Variants in PCDHA5 observed in about 807,000 individuals in gnomAD.
PCDHA5 encodes the protein protocadherin alpha-5.
A neutral mutation model predicts 61.6 loss-of-function variants in PCDHA5; 43 were observed. The observed-to-expected ratio is 0.70, with a 90% CI of 0.55 to 0.90. The LOEUF (loss-of-function observed/expected upper bound fraction) is 0.90. Ranked by LOEUF, PCDHA5 falls within the 40% of genes least tolerant of loss-of-function variation. PCDHA5 has a pLI of 0.00. For missense variants in PCDHA5, 1,298 were observed against 1,222.7 expected (o/e 1.06, Z -0.92); for synonymous variants, 627 against 543.9 (o/e 1.15, Z -2.13).
At chr5:140,918,639 TGA>T (rs1554198713) in intron 1 of PCDHA5, among the ~76,000 whole-genome samples, 1 of 152,224 alleles carries the variant, frequency 6.6e-6, no homozygotes, top group East Asian at 1.9e-4. Context: ...ATTCATAAAT[TGA>T]AACCTAATTC....
In PCDHA5 at chr5:141,010,203, C is replaced by T; in HGVS notation, c.*266C>T. ...AGACCCAAGTTTCCTTTCTCCTCCG[C>T]CGCAAAGGAGAGGCTTCCCAGCCCC... On this transcript the variant is annotated 3_prime_UTR_variant, in exon 4 of 4. Coordinates refer to ENST00000529859, the MANE Select transcript of PCDHA5 (RefSeq NM_018908.3). The T allele has an allele frequency of 1.3e-6, 2 of 1,552,032 alleles. No homozygotes were observed. Among genetic ancestry groups the T allele is most frequent in the Non-Finnish European group, 1.7e-6 (2 of 1,147,066 alleles).
intron 1 of PCDHA5, among the ~76,000 whole-genome samples, chr5:140,949,913 A>G (rs554549969): frequency 9.9e-5 from 15 of 151,452 alleles, no homozygotes; most frequent in Admixed American, 2.6e-4. Context: ...TTTAGATATA[A>G]CTATTTTTAG....
At chr5:140,977,589 G>A (rs567353301) in intron 1 of PCDHA5, among the ~76,000 whole-genome samples, 15 of 152,274 alleles carry the variant, frequency 9.9e-5, no homozygotes, top group Admixed American at 2.6e-4. Flanking sequence ...AGAGCAGTTA[G>A]CATGTGAGGA....
intron 1 of PCDHA5, among the ~76,000 whole-genome samples, chr5:140,892,561 A>G (rs766284976): frequency 1.3e-5 from 2 of 152,156 alleles, no homozygotes; most frequent in Non-Finnish European, 2.9e-5. Context: ...GTCCTTGGAG[A>G]CTGTCAAAAG....
intron 1 of PCDHA5, chr5:140,875,973 T>C (rs782725100): frequency 6.2e-7 from 1 of 1,614,042 alleles, no homozygotes; most frequent in Non-Finnish European, 8.5e-7. Context: ...TAAACTCTCT[T>C]TTGACCTATG....
chr5:140,840,316 C>A (rs2150305705), intron 1 of PCDHA5, among the ~76,000 whole-genome samples: 1 of 151,756 alleles, frequency 6.6e-6, no homozygotes, highest in South Asian at 2.1e-4. Flanking sequence ...TAACTTTGGT[C>A]GACTCATTTT....
At chr5:140,842,578 G>T in intron 1 of PCDHA5, 2 of 1,515,278 alleles carry the variant, frequency 1.3e-6, no homozygotes, top group Non-Finnish European at 1.8e-6. Context: ...AGAGAGTGTC[G>T]GCCTATGAGT....
At chr5:140,982,807 G>A (rs2097006971) in intron 3 of PCDHA5, among the ~76,000 whole-genome samples, 2 of 152,048 alleles carry the variant, frequency 1.3e-5, no homozygotes, top group South Asian at 4.1e-4. Flanking sequence ...GTGTGTGTGT[G>A]TGTATGAAGT....
At chr5:140,918,309 T>C (rs2078629927) in intron 1 of PCDHA5, among the ~76,000 whole-genome samples, 1 of 152,186 alleles carries the variant, frequency 6.6e-6, no homozygotes, top group Non-Finnish European at 1.5e-5. Context: ...TAGGGTTTTC[T>C]AGGTATAAAA....
rs530482397 is a variant in PCDHA5, at chr5:140,923,460, T to C, written c.2353-55489T>C. ...GGAGGATCACCTGAGCCCAGAGAGG[T>C]AGGGGCTGCAGTGAGCCATCTTCAC... On this transcript the variant is annotated intron_variant, in intron 1 of 3. Coordinates refer to ENST00000529859, the MANE Select transcript of PCDHA5 (RefSeq NM_018908.3). Among the ~76,000 whole-genome samples, 704 of 151,994 alleles carry C rather than the reference T, an allele frequency of 4.6e-3. 3 individuals carry two copies. Among genetic ancestry groups the C allele is most frequent in the African/African-American group, 0.016 (681 of 41,446 alleles).
intron 1 of PCDHA5, chr5:140,876,095 T>G (rs781801828): frequency 6.2e-7 from 1 of 1,613,928 alleles, no homozygotes; most frequent in Admixed American, 1.7e-5. Context: ...ACGCCAAAAC[T>G]CAATTTATTG....
chr5:140,891,122 G>T (rs572236105), intron 1 of PCDHA5, among the ~76,000 whole-genome samples: 1 of 152,256 alleles, frequency 6.6e-6, no homozygotes, highest in East Asian at 1.9e-4. Context: ...CAATCTAAAT[G>T]TCATTCCTTT....
chr5:140,942,680 A>C (rs2093354394), intron 1 of PCDHA5, among the ~76,000 whole-genome samples: 1 of 152,218 alleles, frequency 6.6e-6, no homozygotes, highest in African/African-American at 2.4e-5. Context: ...AAGTTTTAGG[A>C]ATAACTTTAA....
At chr5:140,899,964 T>A (rs543512832) in intron 1 of PCDHA5, among the ~76,000 whole-genome samples, 3 of 151,824 alleles carry the variant, frequency 2.0e-5, no homozygotes, top group African/African-American at 7.3e-5. Flanking sequence ...TGTGCTGCCA[T>A]GCCCAGCTAC....
chr5:140,883,860 T>C, intron 1 of PCDHA5: 2 of 1,613,044 alleles, frequency 1.2e-6, no homozygotes, highest in Non-Finnish European at 1.7e-6. Flanking sequence ...CTGGAGCTGT[T>C]GCAGTTCCAG....
intron 1 of PCDHA5, among the ~76,000 whole-genome samples, chr5:140,976,410 G>C (rs1353790339): frequency 6.6e-6 from 1 of 152,074 alleles, no homozygotes; most frequent in Non-Finnish European, 1.5e-5. Context: ...AATTAGCCAG[G>C]TACGGTGGCA....
At chr5:140,851,826 T>A (rs2042172303) in intron 1 of PCDHA5, 1 of 965,750 alleles carries the variant, frequency 1.0e-6, no homozygotes, top group Non-Finnish European at 1.3e-6. Context: ...GAAATCTGTT[T>A]TTTTAAAAAT....
intron 1 of PCDHA5, chr5:140,850,751 G>A (rs2041804257): frequency 6.3e-7 from 1 of 1,597,836 alleles, no homozygotes; most frequent in Non-Finnish European, 8.6e-7. Flanking sequence ...CGTACTCGCA[G>A]CAGAGGAGGC....
intron 1 of PCDHA5, among the ~76,000 whole-genome samples, chr5:140,939,289 A>G (rs1186126336): frequency 1.3e-5 from 2 of 152,102 alleles, no homozygotes; most frequent in African/African-American, 4.8e-5. Flanking sequence ...TCGTGATCTA[A>G]TCATCTCTAC....
Sources: allele counts gnomAD v4.1 joint callset (sites outside exome capture counted in the v4.1 genomes callset), GRCh38; gene constraint gnomAD v4.1.1; transcripts MANE v1.5; gene names NCBI Gene and HGNC (gene_info 2026-07-23, HGNC 2026-07-21).